The following THEMIS variants were observed in gnomAD, a reference collection of about 807,000 sequenced individuals.
THEMIS encodes thymocyte selection associated.
In THEMIS, 37 loss-of-function variants were observed where a neutral mutation model predicts 52.6. The observed-to-expected ratio is 0.70, with a 90% CI of 0.54 to 0.93. THEMIS has a LOEUF of 0.93. Among genes scored for constraint, THEMIS ranks in the 40% least tolerant of loss-of-function variants. THEMIS has a pLI of 0.00. For missense variants in THEMIS, 808 were observed against 763.1 expected (o/e 1.06, Z -0.69); for synonymous variants, 292 against 272.7 (o/e 1.07, Z -0.70).
At chr6:127,782,424 G>T (rs1342281398) in intron 4 of THEMIS, among the ~76,000 whole-genome samples, 1 of 152,158 alleles carries the variant, frequency 6.6e-6, no homozygotes, top group Non-Finnish European at 1.5e-5. Context: ...GGGCCCTAGT[G>T]GTGTAGGCAC....
chr6:127,742,424 TA>T (rs538234434), intron 4 of THEMIS, among the ~76,000 whole-genome samples: 6 of 151,714 alleles, frequency 4.0e-5, no homozygotes, highest in South Asian at 2.1e-4. Flanking sequence ...TATGTATATT[TA>T]AAAAAAACCT....
At chr6:127,811,196 T>C (rs192702380) in intron 4 of THEMIS, among the ~76,000 whole-genome samples, 107 of 152,316 alleles carry the variant, frequency 7.0e-4, no homozygotes, top group African/African-American at 2.5e-3. Flanking sequence ...ATTGTTACTA[T>C]AATAAATTAT....
At chr6:127,710,135 G>A in intron 5 of THEMIS, 119 bp from the exon 6 acceptor site, 3 of 561,564 alleles carry the variant, frequency 5.3e-6, no homozygotes, top group Non-Finnish European at 8.7e-6. Context: ...GAAACGGTTG[G>A]AAGCAAAGCA....
At chr6:127,807,276 C>T in intron 4 of THEMIS, 1 of 219,182 alleles carries the variant, frequency 4.6e-6, no homozygotes, top group Non-Finnish European at 9.5e-6. Context: ...CAGAGAATTG[C>T]TTGAACCCGG....
rs997792285 is a variant in THEMIS, at chr6:127,865,385, C to T, written c.92-10197G>A. Reference sequence around the variant, plus strand: ...AGACCAGTCCTTTCTTTGGAATGTACATAAAGTTTGAACACCCAAAGCCTG... The same window carrying T: ...AGACCAGTCCTTTCTTTGGAATGTATATAAAGTTTGAACACCCAAAGCCTG... On this transcript the variant is annotated intron_variant, in intron 1 of 5. Transcript: ENST00000368248. Among the ~76,000 whole-genome samples the T allele has an allele frequency of 2.2e-4, 34 of 152,086 alleles. 1 individual carries two copies. Among genetic ancestry groups the T allele is most frequent in the Admixed American group, 1.4e-3 (22 of 15,244 alleles).
intron 4 of THEMIS, among the ~76,000 whole-genome samples, chr6:127,728,806 GA>G (rs1318999141): frequency 1.3e-5 from 2 of 152,126 alleles, no homozygotes; most frequent in Non-Finnish European, 2.9e-5. Context: ...GGAAAAAAAT[GA>G]AACAGAGAAG....
At chr6:127,812,570 G>T (rs1355646663) in intron 4 of THEMIS, among the ~76,000 whole-genome samples, 2 of 152,076 alleles carry the variant, frequency 1.3e-5, no homozygotes, top group African/African-American at 4.8e-5. Flanking sequence ...AATAAAAGAG[G>T]TTTGCTTCTA....
At chr6:127,750,859 A>C (rs142886004) in intron 4 of THEMIS, among the ~76,000 whole-genome samples, 1 of 151,766 alleles carries the variant, frequency 6.6e-6, no homozygotes, top group Non-Finnish European at 1.5e-5. Flanking sequence ...GTCAGCCAAG[A>C]ATATTTCACC....
chr6:127,757,459 G>C (rs559625343), intron 4 of THEMIS, among the ~76,000 whole-genome samples: 4 of 151,988 alleles, frequency 2.6e-5, no homozygotes, highest in Admixed American at 2.6e-4. Context: ...GTAAGTGAAA[G>C]TGATACATGT....
chr6:127,736,843 C>A (rs1383725665), intron 4 of THEMIS, among the ~76,000 whole-genome samples: 18 of 65,254 alleles, frequency 2.8e-4, no homozygotes, highest in Admixed American at 4.2e-4. Flanking sequence ...AAAGGAAAAC[C>A]AAATGATCAA....
chr6:127,912,879 G>A (rs1315781806), intron 1 of THEMIS, among the ~76,000 whole-genome samples: 2 of 152,172 alleles, frequency 1.3e-5, no homozygotes, highest in East Asian at 1.9e-4. Flanking sequence ...GCCTTACAAA[G>A]TCCAACTGCT....
At chr6:127,754,828 G>A (rs1248773087) in intron 4 of THEMIS, among the ~76,000 whole-genome samples, 1 of 151,852 alleles carries the variant, frequency 6.6e-6, no homozygotes, top group Non-Finnish European at 1.5e-5. Context: ...AGCAAAGGGT[G>A]AATGGTGGCA....
chr6:127,889,857 C>T (rs1780751317), intron 1 of THEMIS, among the ~76,000 whole-genome samples: 1 of 152,030 alleles, frequency 6.6e-6, no homozygotes, highest in South Asian at 2.1e-4. Flanking sequence ...TTGTTATAAT[C>T]TAATTCTATC....
Position 127,820,968 on chromosome 6 carries a change from C to T in THEMIS, c.710-7037G>A, listed in dbSNP as rs141105305. ...TATGGCAAATATTATATCTAAGAAT[C>T]TCTCCTAGAGAAAGATAAAGACACC... On this transcript the variant is annotated intron_variant, in intron 3 of 5. Transcript: ENST00000368248. Among the ~76,000 whole-genome samples, 84 of 152,020 alleles carry T rather than the reference C, an allele frequency of 5.5e-4. 1 individual carries two copies. The highest frequency in any genetic ancestry group is 1.9e-3 in the African/African-American group (80 of 41,534).
At chr6:127,707,742 A>C (rs2114439489), downstream of THEMIS, among the ~76,000 whole-genome samples, 1 of 152,268 alleles carries the variant, frequency 6.6e-6, no homozygotes, top group Non-Finnish European at 1.5e-5. Flanking sequence ...AACTTGAACC[A>C]AGAACCTTTG....
At chr6:127,857,600 T>C (rs1197424097) in intron 1 of THEMIS, among the ~76,000 whole-genome samples, 1 of 152,046 alleles carries the variant, frequency 6.6e-6, no homozygotes, top group African/African-American at 2.4e-5. Context: ...TTTCCAGTTA[T>C]CATGGTCCAA....
Position 127,900,885 on chromosome 6 carries a change from G to C in THEMIS, c.48C>G (p.Thr16=). 2 of 1,613,196 alleles carry C rather than the reference G, an allele frequency of 1.2e-6. No individual in the cohort carries two copies. The highest frequency in any genetic ancestry group is 1.7e-6 in the Non-Finnish European group (2 of 1,179,430). ...CCTGGATTTCTAGAACCCTGGGTAGGGTCCTGAGGTCAAGGGAGTGGACGA... is the reference window on the plus strand; with the variant it reads ...CCTGGATTTCTAGAACCCTGGGTAGCGTCCTGAGGTCAAGGGAGTGGACGA... ...EEFVHSLDLR[T]LPRVLEIQAG... The change falls in exon 1 of 6, where the codon ACC becomes ACG. Residue 16 remains threonine (T), a synonymous_variant. Transcript: ENST00000368248.
At chr6:127,818,262 G>A (rs1778204227) in intron 3 of THEMIS, among the ~76,000 whole-genome samples, 2 of 152,076 alleles carry the variant, frequency 1.3e-5, no homozygotes, top group South Asian at 4.2e-4. Context: ...AGAGACACAG[G>A]CTCACTAATA....
intron 4 of THEMIS, among the ~76,000 whole-genome samples, chr6:127,747,039 T>C (rs1402957605): frequency 1.8e-5 from 2 of 111,974 alleles, no homozygotes; most frequent in African/African-American, 3.5e-5. Flanking sequence ...GATATAATTA[T>C]AGATATCTAT....
Sources: gnomAD v4.1 joint callset for allele counts (sites outside exome capture counted in the v4.1 genomes callset) on GRCh38, gnomAD v4.1.1 for gene constraint, MANE v1.5 for transcripts, NCBI Gene and HGNC (gene_info 2026-07-23, HGNC 2026-07-21) for gene names.